The following ALOX12B variants were observed in gnomAD, a reference collection of about 807,000 sequenced individuals.
ALOX12B encodes the protein arachidonate 12-lipoxygenase, 12R type.
ALOX12B carries 47 observed loss-of-function variants against 78.9 expected under a neutral mutation model. The ratio of observed to expected loss-of-function variants is 0.60; its 90% CI spans 0.47 to 0.76. The LOEUF (loss-of-function observed/expected upper bound fraction) is 0.76. Ranked by LOEUF, ALOX12B falls within the 30% of genes least tolerant of loss-of-function variation. The probability of loss-of-function intolerance (pLI) is 0.00; values close to 1 mark genes in which losing one functional copy is unlikely to be tolerated. For missense variants in ALOX12B, 805 were observed against 922.6 expected (o/e 0.87, Z 1.65); for synonymous variants, 370 against 374.5 (o/e 0.99, Z 0.14).
At position 8,079,253 on chromosome 17, in the gene ALOX12B, G is replaced by T; in HGVS notation, c.1071+143C>A. Reference sequence around the variant, plus strand: ...CATCTGCAGATTTTGGCATCCCGGGGAGGTCCTGGAACCAATCTCTCAAGG... The same window carrying T: ...CATCTGCAGATTTTGGCATCCCGGGTAGGTCCTGGAACCAATCTCTCAAGG... On this transcript the variant is annotated intron_variant, in intron 8 of 14. Coordinates refer to ENST00000647874, the MANE Select transcript of ALOX12B (RefSeq NM_001139.3). The surrounding 1 kb of genome is among the most constrained non-coding windows in gnomAD (Gnocchi z 6.4). The T allele has an allele frequency of 7.9e-7, 1 of 1,259,486 alleles. No homozygotes were observed. Among genetic ancestry groups the T allele is most frequent in the Non-Finnish European group, 1.1e-6 (1 of 937,770 alleles). The allele number at this position is 1,259,486 out of a possible 1,614,324, so 78.0% of individuals were successfully genotyped here.
Position 8,072,865 on chromosome 17 carries a change from T to A in ALOX12B, c.2012A>T (p.Gln671Leu). The change falls in exon 15 of 15, where the codon CAG becomes CTG. Residue 671 changes from glutamine (Q) to leucine (L), a missense_variant. Gln to Leu is a moderately radical substitution (Grantham distance 113, BLOSUM62 -2). Transcript: ENST00000647874. ...SIEAFRQRLN[Q>L]ISHDIRQRNK... is the part of the protein sequence containing the mutation. ...GCGCTGGCGGATGTCGTGTGAGATC[T>A]GGTTCAGGCGCTGGCGGAACGCCTC... 6.2e-7 allele frequency: 1 copy of A among 1,614,174 alleles called. No individual in the cohort carries two copies. Among genetic ancestry groups the A allele is most frequent in the Non-Finnish European group, 8.5e-7 (1 of 1,180,016 alleles).
At chr17:8,085,143 G>A (rs1173060210) in intron 2 of ALOX12B, among the ~76,000 whole-genome samples, 1 of 152,196 alleles carries the variant, frequency 6.6e-6, no homozygotes, top group Non-Finnish European at 1.5e-5. Flanking sequence ...GTCCTGTTGG[G>A]AAAATAGGGA....
chr17:8,085,009 C>A (rs1978292545), intron 2 of ALOX12B, among the ~76,000 whole-genome samples: 2 of 152,186 alleles, frequency 1.3e-5, no homozygotes, highest in African/African-American at 4.8e-5. Flanking sequence ...GCAGCCTTGG[C>A]CAGCCTTAAC....
intron 8 of ALOX12B, among the ~76,000 whole-genome samples, chr17:8,078,829 G>A (rs538388522): frequency 1.3e-5 from 2 of 151,900 alleles, no homozygotes; most frequent in African/African-American, 4.8e-5. Context: ...GGCTGGACGC[G>A]GTGGCTCACG....
At chr17:8,085,949 G>T in intron 2 of ALOX12B, 67 bp downstream of exon 2, 2 of 1,580,574 alleles carry the variant, frequency 1.3e-6, no homozygotes, top group Non-Finnish European at 1.7e-6. Context: ...TGGGTGCCAT[G>T]CCAGGGTAGC....
At position 8,079,742 on chromosome 17, in the gene ALOX12B, C is replaced by T. The variant is rs1322648226; in HGVS notation, c.927+27G>A. 2 of 1,603,558 alleles carry T rather than the reference C, an allele frequency of 1.2e-6. No individual in the cohort carries two copies. The highest frequency in any genetic ancestry group is 8.5e-7 in the Non-Finnish European group (1 of 1,176,268). ...CCGCGAGGGAGGCCGGGAGGAGGGC[C>T]GGGGTCTCCGCCGGAGCGGGCCTCA... On this transcript the variant is annotated intron_variant, in intron 7 of 14. Coordinates refer to ENST00000647874, the MANE Select transcript of ALOX12B (RefSeq NM_001139.3). This position sits in a 1 kb window ranked among gnomAD's most constrained non-coding sequence, Gnocchi z 6.4.
Position 8,079,383 on chromosome 17 carries a change from G to A in ALOX12B, c.1071+13C>T. The A allele has an allele frequency of 1.9e-6, 3 of 1,552,344 alleles. No homozygotes were observed. Among genetic ancestry groups the A allele is most frequent in the Non-Finnish European group, 2.6e-6 (3 of 1,148,136 alleles). ...CAGAGGCTCAGCGGCAGCGCCGCCTGCAGCCCAGGCACCTGGATGGCGATG... is the reference window on the plus strand; with the variant it reads ...CAGAGGCTCAGCGGCAGCGCCGCCTACAGCCCAGGCACCTGGATGGCGATG... On this transcript the variant is annotated intron_variant, in intron 8 of 14. Coordinates refer to ENST00000647874, the MANE Select transcript of ALOX12B (RefSeq NM_001139.3). This position sits in a 1 kb window ranked among gnomAD's most constrained non-coding sequence, Gnocchi z 6.4.
chr17:8,076,820 C>A, intron 9 of ALOX12B, 77 bp from the exon 10 acceptor site: 1 of 1,482,390 alleles, frequency 6.7e-7, no homozygotes, highest in East Asian at 2.5e-5. Context: ...ATTTCTGTAA[C>A]GTCAGATCTG....
At chr17:8,073,427 T>C in intron 13 of ALOX12B, 109 bp from the exon 14 acceptor site, 1 of 1,495,710 alleles carries the variant, frequency 6.7e-7, no homozygotes, top group Non-Finnish European at 9.2e-7. Flanking sequence ...CTCCCCGCCC[T>C]TGGCGCTGAG....
At position 8,087,694 on chromosome 17, in the gene ALOX12B, G is replaced by T. The variant is rs1978307625; in HGVS notation, c.-252C>A. On this transcript the variant is annotated 5_prime_UTR_variant, in exon 1 of 15. In the 5' UTR this introduces an upstream ATG that the reference lacks. Coordinates refer to ENST00000647874, the MANE Select transcript of ALOX12B (RefSeq NM_001139.3). Reference sequence around the variant, plus strand: ...GAGCCCAGCTGGTGGTGAGTGAGCAGGTGTCTGGGCTCCAAGCCTTCTGGG... The same window carrying T: ...GAGCCCAGCTGGTGGTGAGTGAGCATGTGTCTGGGCTCCAAGCCTTCTGGG... 1 of 579,936 alleles carries T rather than the reference G, an allele frequency of 1.7e-6. No homozygotes were observed. Among genetic ancestry groups the T allele is most frequent in the Admixed American group, 3.0e-5 (1 of 33,618 alleles). The allele number at this position is 579,936 out of a possible 1,614,324, so 35.9% of individuals were successfully genotyped here. A position where few individuals can be genotyped will look rare whatever the true frequency, so the allele number is the denominator to read the frequency against.
At position 8,080,298 on chromosome 17, in the gene ALOX12B, G is replaced by T. The variant is rs576310715; in HGVS notation, c.691C>A (p.His231Asn). The change falls in exon 6 of 15, where the codon CAT becomes AAT. Residue 231 changes from histidine (H) to asparagine (N), a missense_variant. Transcript: ENST00000647874. This position sits in a 1 kb window ranked among gnomAD's most constrained non-coding sequence, Gnocchi z 4.8. ...ATGTCCTTCAGCCTCTTCCACGAAT[G>T]TTTGCAGTCCAACAGGCCGCGGACT... ...FKVRGLLDCK[H>N]SWKRLKDIRK... The T allele has an allele frequency of 3.1e-6, 5 of 1,614,238 alleles. No individual in the cohort carries two copies. The African/African-American group carries it at 6.7e-5, about 22-fold the overall frequency.
chr17:8,072,994 A>G, intron 14 of ALOX12B, 44 bp from the exon 15 acceptor site: 1 of 1,593,972 alleles, frequency 6.3e-7, no homozygotes, highest in Non-Finnish European at 8.6e-7. Context: ...GCCGGCCAGC[A>G]CCCCCTCCTC....
intron 2 of ALOX12B, among the ~76,000 whole-genome samples, chr17:8,083,394 G>A (rs746373656): frequency 6.6e-6 from 1 of 152,122 alleles, no homozygotes; most frequent in Non-Finnish European, 1.5e-5. Context: ...GATTTGCCCC[G>A]TAGTGGGCTG....
rs998748130 is a variant in ALOX12B, at chr17:8,082,543, C to T, written c.353-1356G>A. ...AAGCCTGTTCCCACTAGCTGCTCTC[C>T]GATAAGTTAAAGATGTGCTGTTTGA... is the stretch of plus-strand genomic sequence containing the variant. On this transcript the variant is annotated intron_variant, in intron 2 of 14. Coordinates refer to ENST00000647874, the MANE Select transcript of ALOX12B (RefSeq NM_001139.3). Among the ~76,000 whole-genome samples the T allele has an allele frequency of 3.9e-5, 6 of 152,188 alleles. No individual in the cohort carries two copies. In the South Asian group the frequency reaches 1.2e-3, roughly 32 times the overall value.
At chr17:8,085,019 C>T (rs1009158599) in intron 2 of ALOX12B, among the ~76,000 whole-genome samples, 2 of 152,166 alleles carry the variant, frequency 1.3e-5, no homozygotes, top group Non-Finnish European at 2.9e-5. Flanking sequence ...CCAGCCTTAA[C>T]CTTGGAGAAA....
intron 12 of ALOX12B, among the ~76,000 whole-genome samples, chr17:8,074,704 G>A (rs118029037): frequency 0.025 from 3,877 of 152,240 alleles, 99 homozygotes; most frequent in Non-Finnish European, 0.039. Flanking sequence ...ACCAGGCTGT[G>A]CAGCCTGGCC....
At chr17:8,083,845 G>A (rs766197336) in intron 2 of ALOX12B, among the ~76,000 whole-genome samples, 6 of 151,798 alleles carry the variant, frequency 4.0e-5, no homozygotes, top group Admixed American at 6.6e-5. Context: ...TTACAGATGA[G>A]GGAACCAAGG....
chr17:8,080,194 C>A lies in ALOX12B; in HGVS notation c.754+41G>T, dbSNP rs749723286. On this transcript the variant is annotated intron_variant, in intron 6 of 14. Coordinates refer to ENST00000647874, the MANE Select transcript of ALOX12B (RefSeq NM_001139.3). The surrounding 1 kb of genome is among the most constrained non-coding windows in gnomAD (Gnocchi z 4.8). ...GGCCTGCCTAGCACGCCGGAGACCGCCTGGCTCCCCCTGCTCGATCCGGGA... is the reference window on the plus strand; with the variant it reads ...GGCCTGCCTAGCACGCCGGAGACCGACTGGCTCCCCCTGCTCGATCCGGGA... 59 of 1,602,488 alleles carry A rather than the reference C, an allele frequency of 3.7e-5. No individual in the cohort carries two copies. In the East Asian group the frequency reaches 1.3e-3, roughly 35 times the overall value.
intron 1 of ALOX12B, among the ~76,000 whole-genome samples, chr17:8,086,704 G>C (rs1002381957): frequency 6.6e-6 from 1 of 152,198 alleles, no homozygotes; most frequent in East Asian, 1.9e-4. Context: ...CTGAGGACCC[G>C]CAAAGCGTGC....
Sources: allele counts gnomAD v4.1 joint callset (sites outside exome capture counted in the v4.1 genomes callset), GRCh38; gene constraint gnomAD v4.1.1; non-coding constraint Gnocchi (gnomAD v3.1); transcripts MANE v1.5; gene names NCBI Gene and HGNC (gene_info 2026-07-23, HGNC 2026-07-21).